PCDHA10: variants seen among roughly 807,000 people sequenced by gnomAD.
PCDHA10 encodes the protein protocadherin alpha 10, also known as protocadherin alpha-10.
A neutral mutation model predicts 61.2 loss-of-function variants in PCDHA10; 45 were observed. The observed-to-expected ratio is 0.74, with a 90% CI of 0.58 to 0.94. The LOEUF (loss-of-function observed/expected upper bound fraction) is 0.94. Among genes scored for constraint, PCDHA10 ranks in the 40% least tolerant of loss-of-function variants. PCDHA10 has a pLI of 0.00. For synonymous variants in PCDHA10, 602 were observed against 548.8 expected, an observed-to-expected ratio of 1.10 and a Z score of -1.35; for missense variants, 1,278 against 1,236.2, an observed-to-expected ratio of 1.03 and a Z score of -0.51.
chr5:140,948,495 G>T (rs2094260954), intron 1 of PCDHA10, among the ~76,000 whole-genome samples: 1 of 151,424 alleles, frequency 6.6e-6, no homozygotes, highest in African/African-American at 2.4e-5. Context: ...TTCTTTCATA[G>T]ACTTTCTATT....
intron 1 of PCDHA10, among the ~76,000 whole-genome samples, chr5:140,952,087 C>T (rs2094684318): frequency 6.6e-6 from 1 of 152,162 alleles, no homozygotes. Context: ...CTCCATGTCT[C>T]ACATCCAGGG....
chr5:140,931,579 A>G (rs1464146269), intron 1 of PCDHA10, among the ~76,000 whole-genome samples: 2 of 152,102 alleles, frequency 1.3e-5, no homozygotes, highest in Non-Finnish European at 2.9e-5. Flanking sequence ...CCATTCATTC[A>G]GTTGAACAGT....
At chr5:140,860,559 A>G (rs2046453959) in intron 1 of PCDHA10, 1 of 152,222 alleles carries the variant, frequency 6.6e-6, no homozygotes, top group African/African-American at 2.4e-5. Flanking sequence ...TTGAAGAGGT[A>G]CTGATCATAC....
intron 1 of PCDHA10, among the ~76,000 whole-genome samples, chr5:140,914,495 A>G (rs1469336186): frequency 2.0e-5 from 3 of 152,164 alleles, no homozygotes; most frequent in Non-Finnish European, 4.4e-5. Context: ...CTTGTGGGCA[A>G]CAGATCATTG....
intron 1 of PCDHA10, chr5:140,876,327 G>T: frequency 6.2e-7 from 1 of 1,614,026 alleles, no homozygotes. Flanking sequence ...AAATGATTTT[G>T]CCAGTGAGTG....
At chr5:140,921,244 A>G (rs1167584267) in intron 1 of PCDHA10, among the ~76,000 whole-genome samples, 1 of 152,180 alleles carries the variant, frequency 6.6e-6, no homozygotes, top group African/African-American at 2.4e-5. Flanking sequence ...TAAGCCACAG[A>G]TCAAAAAGTC....
chr5:140,919,694 ATTAAC>A (rs1313954013), intron 1 of PCDHA10, among the ~76,000 whole-genome samples: 5 of 152,200 alleles, frequency 3.3e-5, no homozygotes, highest in Non-Finnish European at 7.3e-5. Context: ...TCAGATTTAT[ATTAAC>A]TTAATTCTAG....
chr5:140,879,687 CA>C (rs1343612878), intron 1 of PCDHA10, among the ~76,000 whole-genome samples: 1 of 152,156 alleles, frequency 6.6e-6, no homozygotes, highest in Non-Finnish European at 1.5e-5. Context: ...TGTAAAACAG[CA>C]AAAGTTTATT....
intron 1 of PCDHA10, among the ~76,000 whole-genome samples, chr5:140,938,620 C>G (rs571731816): frequency 1.3e-5 from 2 of 152,172 alleles, no homozygotes; most frequent in African/African-American, 4.8e-5. Context: ...GGAATAAACT[C>G]AGGTTGCTTA....
At chr5:140,980,716 G>T (rs1246125435) in intron 2 of PCDHA10, among the ~76,000 whole-genome samples, 1 of 151,830 alleles carries the variant, frequency 6.6e-6, no homozygotes, top group Non-Finnish European at 1.5e-5. Context: ...TCCTATTCGG[G>T]TTTCAATTAA....
intron 3 of PCDHA10, among the ~76,000 whole-genome samples, chr5:141,000,387 C>A (rs868946328): frequency 8.2e-4 from 55 of 66,860 alleles, no homozygotes; most frequent in African/African-American, 2.7e-3. Context: ...CTCTCTCTCT[C>A]TCTCTCTCTA....
At chr5:140,961,479 C>G (rs2095615905) in intron 1 of PCDHA10, among the ~76,000 whole-genome samples, 1 of 152,108 alleles carries the variant, frequency 6.6e-6, no homozygotes, top group Non-Finnish European at 1.5e-5. Context: ...TTTGTCTTGT[C>G]CACGTGAGTA....
At chr5:140,904,206 C>T (rs2070944708) in intron 1 of PCDHA10, among the ~76,000 whole-genome samples, 1 of 151,882 alleles carries the variant, frequency 6.6e-6, no homozygotes, top group South Asian at 2.1e-4. Flanking sequence ...CCCCTAAGTC[C>T]CCAAAGTCCA....
At chr5:140,949,584 A>T (rs1313706016) in intron 1 of PCDHA10, among the ~76,000 whole-genome samples, 5 of 151,722 alleles carry the variant, frequency 3.3e-5, no homozygotes, top group Admixed American at 6.6e-5. Context: ...CTTTTGTGTG[A>T]TATTAATGTG....
At chr5:140,908,602 G>T (rs542051868) in intron 1 of PCDHA10, among the ~76,000 whole-genome samples, 67 of 152,202 alleles carry the variant, frequency 4.4e-4, no homozygotes, top group African/African-American at 1.3e-3. Context: ...AAGATGGAAG[G>T]GCCTTGCTCC....
At position 141,011,014 on chromosome 5, in the gene PCDHA10, C is replaced by T. The variant is rs2098419102; in HGVS notation, c.*1077C>T. On this transcript the variant is annotated 3_prime_UTR_variant, in exon 4 of 4. Coordinates refer to ENST00000307360, the MANE Select transcript of PCDHA10 (RefSeq NM_018901.4). ...CATCTGTATTATATCGGCCACCTGC[C>T]AATCACAGCTTTACTCTTTCAGGTC... 6.5e-6 allele frequency: 1 copy of T among 153,758 alleles called. No individual in the cohort carries two copies. Among genetic ancestry groups the T allele is most frequent in the Admixed American group, 6.5e-5 (1 of 15,286 alleles). 9.5% of individuals were successfully genotyped at this position (153,758 alleles called of 1,614,324 possible).
intron 1 of PCDHA10, among the ~76,000 whole-genome samples, chr5:140,894,679 C>A (rs1227870690): frequency 6.6e-6 from 1 of 151,682 alleles, no homozygotes; most frequent in African/African-American, 2.4e-5. Context: ...TCTTGCATAG[C>A]TTTTCATTAT....
chr5:140,943,505 T>C (rs938907371), intron 1 of PCDHA10, among the ~76,000 whole-genome samples: 13 of 152,106 alleles, frequency 8.5e-5, no homozygotes, highest in Non-Finnish European at 1.8e-4. Flanking sequence ...TCAAGGTTCA[T>C]GGAAATGTTG....
intron 1 of PCDHA10, chr5:140,881,408 T>A (rs1397596000): frequency 1.1e-6 from 1 of 949,826 alleles, no homozygotes; most frequent in Non-Finnish European, 1.3e-6. Flanking sequence ...ATTAAATCAA[T>A]AGGATATTAG....
Sources: allele counts gnomAD v4.1 joint callset (sites outside exome capture counted in the v4.1 genomes callset), GRCh38; gene constraint gnomAD v4.1.1; transcripts MANE v1.5; gene names NCBI Gene and HGNC (gene_info 2026-07-23, HGNC 2026-07-21).